Variants in GRM3 observed in about 807,000 individuals in gnomAD.
The protein encoded by GRM3 is metabotropic glutamate receptor 3.
GRM3 carries 26 observed loss-of-function variants against 70.5 expected under a neutral mutation model. That is an observed-to-expected ratio of 0.37 (90% confidence interval 0.27 to 0.51). GRM3 has a LOEUF of 0.51. Among genes scored for constraint, GRM3 ranks in the 20% least tolerant of loss-of-function variants. The pLI is 0.93. For missense variants in GRM3, 859 were observed against 1,123.8 expected (o/e 0.76, Z 3.37); for synonymous variants, 443 against 434.9 (o/e 1.02, Z -0.23).
chr7:86,804,293 A>G (rs1395222375), intron 3 of GRM3, among the ~76,000 whole-genome samples: 1 of 152,242 alleles, frequency 6.6e-6, no homozygotes, highest in African/African-American at 2.4e-5. Context: ...CTGCCACTGC[A>G]TGGCTCAGTG....
At chr7:86,749,750 G>A (rs1220471900) in intron 1 of GRM3, among the ~76,000 whole-genome samples, 3 of 152,060 alleles carry the variant, frequency 2.0e-5, no homozygotes, top group Non-Finnish European at 2.9e-5. Context: ...GGAAAGAGAA[G>A]CACCAGATAG....
chr7:86,666,234 A>T (rs1165071725), intron 1 of GRM3, among the ~76,000 whole-genome samples: 1 of 152,056 alleles, frequency 6.6e-6, no homozygotes, highest in Non-Finnish European at 1.5e-5. Context: ...ATCTCACTAC[A>T]GAAAATGACC....
At chr7:86,809,775 A>T (rs1797872195) in intron 3 of GRM3, among the ~76,000 whole-genome samples, 1 of 152,094 alleles carries the variant, frequency 6.6e-6, no homozygotes, top group Non-Finnish European at 1.5e-5. Flanking sequence ...GAAAGGTAAC[A>T]TGATGCAGAA....
At chr7:86,803,135 C>CA in intron 3 of GRM3, among the ~76,000 whole-genome samples, 1 of 152,282 alleles carries the variant, frequency 6.6e-6, no homozygotes, top group Middle Eastern at 3.4e-3. Flanking sequence ...TATCATTTCT[C>CA]AGTCATCAAA....
chr7:86,768,452 A>ATGTTT (rs1796658921), intron 2 of GRM3, among the ~76,000 whole-genome samples: 1 of 152,222 alleles, frequency 6.6e-6, no homozygotes, highest in Non-Finnish European at 1.5e-5. Context: ...TATAGAACAC[A>ATGTTT]GCCCTGATCT....
At chr7:86,782,580 A>C (rs1352299487) in intron 2 of GRM3, among the ~76,000 whole-genome samples, 1 of 152,172 alleles carries the variant, frequency 6.6e-6, no homozygotes, top group African/African-American at 2.4e-5. Context: ...ACTTTGATGC[A>C]TTTTCACATT....
intron 1 of GRM3, among the ~76,000 whole-genome samples, chr7:86,671,763 C>A (rs1051018291): frequency 6.6e-6 from 1 of 152,186 alleles, no homozygotes; most frequent in Admixed American, 6.6e-5. Flanking sequence ...ATTAGTCCTG[C>A]TTTGACCTCA....
chr7:86,776,236 C>T (rs891286288), intron 2 of GRM3, among the ~76,000 whole-genome samples: 1 of 152,084 alleles, frequency 6.6e-6, no homozygotes, highest in Non-Finnish European at 1.5e-5. Context: ...GATTACTATC[C>T]TTTTCTTTTG....
At chr7:86,779,722 T>C (rs1355614929) in intron 2 of GRM3, among the ~76,000 whole-genome samples, 1 of 152,124 alleles carries the variant, frequency 6.6e-6, no homozygotes, top group Non-Finnish European at 1.5e-5. Context: ...AACGGTTCCT[T>C]AGAGAAGAAG....
chr7:86,711,590 T>C (rs1437545927), intron 1 of GRM3, among the ~76,000 whole-genome samples: 1 of 152,090 alleles, frequency 6.6e-6, no homozygotes, highest in East Asian at 1.9e-4. Context: ...AATATACTGG[T>C]CTCTATTGGT....
In GRM3 at chr7:86,644,887, G is replaced by A. The variant is rs935282472; in HGVS notation, c.-141+15G>A. ...GTCGGTGCGAGGTAAGGGTCCCAGA[G>A]GAGGACGTGTCCCTCTGGAGGGCGC... On this transcript the variant is annotated intron_variant, in intron 1 of 5. Coordinates refer to ENST00000361669, the MANE Select transcript of GRM3 (RefSeq NM_000840.3). 3 of 1,268,520 alleles carry A rather than the reference G, an allele frequency of 2.4e-6. No homozygotes were observed. Among genetic ancestry groups the A allele is most frequent in the African/African-American group, 1.5e-5 (1 of 65,348 alleles). The allele number at this position is 1,268,520 out of a possible 1,614,324, so 78.6% of individuals were successfully genotyped here. A position where few individuals can be genotyped will look rare whatever the true frequency, so the allele number is the denominator to read the frequency against.
chr7:86,841,433 T>G (rs867509065), intron 4 of GRM3, among the ~76,000 whole-genome samples: 1 of 152,122 alleles, frequency 6.6e-6, no homozygotes, highest in East Asian at 1.9e-4. Context: ...ACAGGGGAGT[T>G]GGAGTGTTAG....
chr7:86,694,709 C>A (rs1465581031), intron 1 of GRM3, among the ~76,000 whole-genome samples: 1 of 152,022 alleles, frequency 6.6e-6, no homozygotes, highest in Middle Eastern at 3.2e-3. Context: ...TCTGGTTTCA[C>A]TTAACAAGTG....
intron 1 of GRM3, among the ~76,000 whole-genome samples, chr7:86,724,339 C>T (rs1320314488): frequency 6.6e-6 from 1 of 152,074 alleles, no homozygotes; most frequent in Non-Finnish European, 1.5e-5. Context: ...AATAACTTTC[C>T]AGGCAAGGCA....
At chr7:86,764,926 A>C (rs1194265717) in intron 1 of GRM3, 80 bp from the exon 2 acceptor site, 11 of 982,810 alleles carry the variant, frequency 1.1e-5, no homozygotes, top group Non-Finnish European at 1.5e-5. Flanking sequence ...TCATCCCATT[A>C]AAGGTCTGAT....
Position 86,839,793 on chromosome 7 carries a change from A to C in GRM3, c.2279A>C (p.Lys760Thr). ...LCTVYAFKTR[K>T]CPENFNEAKF... ...ACTGTGTACGCCTTCAAAACGCGGA[A>C]GTGCCCAGAAAATTTCAACGAAGCT... The change falls in exon 4 of 6, where the codon AAG becomes ACG. Residue 760 changes from lysine to threonine, a missense_variant. Transcript: ENST00000361669. This position sits in a 1 kb window ranked among gnomAD's most constrained non-coding sequence, Gnocchi z 4.5. 1 of 1,614,058 alleles carries C rather than the reference A, an allele frequency of 6.2e-7. No homozygotes were observed. Among genetic ancestry groups the C allele is most frequent in the Non-Finnish European group, 8.5e-7 (1 of 1,179,916 alleles).
chr7:86,747,535 T>G (rs1380430120), intron 1 of GRM3, among the ~76,000 whole-genome samples: 7 of 152,094 alleles, frequency 4.6e-5, no homozygotes, highest in Admixed American at 6.6e-5. Flanking sequence ...AGCTTCTGCC[T>G]AAAATACATT....
intron 5 of GRM3, among the ~76,000 whole-genome samples, chr7:86,863,786 T>C (rs1268981213): frequency 6.6e-6 from 1 of 152,160 alleles, no homozygotes; most frequent in African/African-American, 2.4e-5. Context: ...GCACATTGTA[T>C]TTAAACCAGT....
At position 86,713,071 on chromosome 7, in the gene GRM3, G is replaced by A. The variant is rs114668782; in HGVS notation, c.-140-51935G>A. ...CTCTATACTATTCTTCATAGCATCTGTACTAATTTGCATTCCTACCAGCAG... is the reference window on the plus strand; with the variant it reads ...CTCTATACTATTCTTCATAGCATCTATACTAATTTGCATTCCTACCAGCAG... On this transcript the variant is annotated intron_variant, in intron 1 of 5. Coordinates refer to ENST00000361669, the MANE Select transcript of GRM3 (RefSeq NM_000840.3). 2.2e-3 allele frequency among the ~76,000 whole-genome samples: 327 copies of A among 152,084 alleles called. 4 individuals carry two copies. The highest frequency in any genetic ancestry group is 7.4e-3 in the African/African-American group (307 of 41,532).
Sources: gnomAD v4.1 joint callset for allele counts (sites outside exome capture counted in the v4.1 genomes callset) on GRCh38, gnomAD v4.1.1 for gene constraint, Gnocchi (gnomAD v3.1) non-coding constraint, MANE v1.5 for transcripts, NCBI Gene and HGNC (gene_info 2026-07-23, HGNC 2026-07-21) for gene names.